PIGN: variants seen among roughly 807,000 people sequenced by gnomAD.
PIGN encodes GPI ethanolamine phosphate transferase 1.
PIGN carries 117 observed loss-of-function variants against 125.4 expected under a neutral mutation model. The observed-to-expected ratio is 0.93, with a 90% CI of 0.80 to 1.09. The LOEUF (loss-of-function observed/expected upper bound fraction) is 1.09. Among genes scored for constraint, PIGN ranks in the 50% least tolerant of loss-of-function variants. PIGN has a pLI of 0.00. For missense variants in PIGN, 1,075 were observed against 1,094.9 expected, an observed-to-expected ratio of 0.98 and a Z score of 0.26; for synonymous variants, 392 against 377.8, an observed-to-expected ratio of 1.04 and a Z score of -0.44.
At chr18:62,080,297 C>A (rs749722352) in intron 28 of PIGN, among the ~76,000 whole-genome samples, 4 of 152,174 alleles carry the variant, frequency 2.6e-5, no homozygotes, top group Non-Finnish European at 5.9e-5. Context: ...TCTTTCTCAG[C>A]GGCCTTCTAA....
At chr18:62,028,288 T>C (rs1430263020) in intron 23 of PIGN, among the ~76,000 whole-genome samples, 1 of 152,198 alleles carries the variant, frequency 6.6e-6, no homozygotes, top group East Asian at 1.9e-4. Context: ...AGTAGAGCAA[T>C]TCAGCTGACT....
At chr18:62,106,960 ATGT>A (rs2034667861) in intron 18 of PIGN, 23 bp downstream of exon 18, 7 of 1,542,678 alleles carry the variant, frequency 4.5e-6, no homozygotes, top group Non-Finnish European at 6.2e-6. Context: ...AAATTTGCAA[ATGT>A]TGTAATCTGG....
chr18:62,170,932 C>A (rs1363642641), intron 1 of PIGN, among the ~76,000 whole-genome samples: 8 of 152,172 alleles, frequency 5.3e-5, no homozygotes, highest in Non-Finnish European at 1.0e-4. Context: ...CACAACATTT[C>A]CTCAAGCCAA....
chr18:62,085,852 T>C (rs923289428), intron 25 of PIGN, among the ~76,000 whole-genome samples: 11 of 152,234 alleles, frequency 7.2e-5, no homozygotes, highest in South Asian at 4.1e-4. Context: ...AACTTACTGC[T>C]AGCAAAGCAC....
chr18:62,074,881 TTAAAATCC>T, intron 28 of PIGN, 60 bp from the exon 29 acceptor site: 1 of 1,236,830 alleles, frequency 8.1e-7, no homozygotes. Flanking sequence ...TTCAAGCTCA[TTAAAATCC>T]AAGTGAGACT....
intron 1 of PIGN, among the ~76,000 whole-genome samples, chr18:62,164,196 T>C (rs1383676906): frequency 6.6e-6 from 1 of 152,224 alleles, no homozygotes; most frequent in Non-Finnish European, 1.5e-5. Context: ...GGCAGTCATG[T>C]AGATCCACTT....
At chr18:62,093,833 G>A (rs1230094181) in intron 23 of PIGN, among the ~76,000 whole-genome samples, 1 of 152,008 alleles carries the variant, frequency 6.6e-6, no homozygotes, top group African/African-American at 2.4e-5. Flanking sequence ...ATCATAACAG[G>A]TGGACTGTGT....
At chr18:62,050,978 G>A (rs2031232055) in intron 30 of PIGN, among the ~76,000 whole-genome samples, 3 of 151,218 alleles carry the variant, frequency 2.0e-5, no homozygotes, top group Non-Finnish European at 4.4e-5. Flanking sequence ...TTTGTCTTTG[G>A]TTATGTTTAT....
chr18:62,125,614 G>A (rs2035505148), intron 14 of PIGN, among the ~76,000 whole-genome samples: 1 of 151,976 alleles, frequency 6.6e-6, no homozygotes, highest in South Asian at 2.1e-4. Context: ...CTCTCCAAAA[G>A]AGTGATTATA....
chr18:62,103,428 G>A (rs1040468046), intron 20 of PIGN, among the ~76,000 whole-genome samples: 4 of 151,016 alleles, frequency 2.6e-5, no homozygotes, highest in African/African-American at 4.8e-5. Flanking sequence ...GCTCCTGGCT[G>A]AGGGAAGGGG....
chr18:62,053,675 C>A (rs1318594183), intron 30 of PIGN, among the ~76,000 whole-genome samples: 1 of 152,152 alleles, frequency 6.6e-6, no homozygotes, highest in Non-Finnish European at 1.5e-5. Flanking sequence ...AGCAAAGATA[C>A]CCTTTTCTCA....
At chr18:62,117,199 CGTTTT>C (rs967877052) in intron 14 of PIGN, among the ~76,000 whole-genome samples, 1 of 151,938 alleles carries the variant, frequency 6.6e-6, no homozygotes, top group Non-Finnish European at 1.5e-5. Context: ...CCCAAATATA[CGTTTT>C]ATTTTTAGTT....
downstream of PIGN, among the ~76,000 whole-genome samples, chr18:62,036,795 G>A (rs1322747310): frequency 2.0e-5 from 3 of 152,170 alleles, no homozygotes; most frequent in Non-Finnish European, 2.9e-5. Flanking sequence ...CTGCCATCAT[G>A]TCTGGCCACT....
chr18:62,023,255 A>C (rs1174857991), intron 23 of PIGN, among the ~76,000 whole-genome samples: 1 of 152,110 alleles, frequency 6.6e-6, no homozygotes, highest in Non-Finnish European at 1.5e-5. Context: ...CCAAAGCCCC[A>C]GGCAACAATT....
chr18:62,110,991 T>G (rs1318457), intron 16 of PIGN, among the ~76,000 whole-genome samples: 25,455 of 151,110 alleles, frequency 0.17, 2,894 homozygotes, highest in Middle Eastern at 0.28. Flanking sequence ...TTGAAGCCTT[T>G]GATTACTTCG....
At chr18:62,103,153 C>G (rs913263784) in intron 20 of PIGN, among the ~76,000 whole-genome samples, 4 of 152,084 alleles carry the variant, frequency 2.6e-5, no homozygotes, top group African/African-American at 9.7e-5. Flanking sequence ...CCACAATTTT[C>G]TAAGTATCTC....
chr18:62,146,005 G>A lies in PIGN; in HGVS notation c.826C>T (p.Pro276Ser). ...TDWGSHGAGH[P>S]SETLTPLVTW... ...ACTAAAGGAGTTAAAGTCTCTGAAG[G>A]ATGACCAGCCCCATGGGAACCTACA... The change falls in exon 10 of 31, where the codon CCT becomes TCT. Residue 276 changes from proline to serine, a missense_variant. By Grantham distance (74) the Pro-to-Ser change is moderately conservative. Transcript: ENST00000640252. 1 of 1,587,168 alleles carries A rather than the reference G, an allele frequency of 6.3e-7. No individual in the cohort carries two copies. The highest frequency in any genetic ancestry group is 8.6e-7 in the Non-Finnish European group (1 of 1,162,824).
chr18:62,117,709 G>A (rs1431006682), intron 14 of PIGN, among the ~76,000 whole-genome samples: 2 of 151,938 alleles, frequency 1.3e-5, no homozygotes, highest in Non-Finnish European at 2.9e-5. Context: ...CATATATCAT[G>A]TATACATATG....
intron 16 of PIGN, among the ~76,000 whole-genome samples, chr18:62,110,753 A>G (rs1291896854): frequency 1.3e-5 from 2 of 152,038 alleles, no homozygotes; most frequent in East Asian, 1.9e-4. Flanking sequence ...CAATCACATA[A>G]GCCAATTTCT....
Sources: allele counts gnomAD v4.1 joint callset (sites outside exome capture counted in the v4.1 genomes callset), GRCh38; gene constraint gnomAD v4.1.1; transcripts MANE v1.5; gene names NCBI Gene and HGNC (gene_info 2026-07-23, HGNC 2026-07-21).